The following ADAMTSL1 variants were observed in gnomAD, a reference collection of about 807,000 sequenced individuals.
ADAMTSL1 encodes ADAMTS like 1.
ADAMTSL1 carries 126 observed loss-of-function variants against 201.8 expected under a neutral mutation model. That is an observed-to-expected ratio of 0.62 (90% CI 0.54 to 0.72). The LOEUF (loss-of-function observed/expected upper bound fraction) is 0.72, where lower values mean the gene tolerates loss of function less well. Ranked by LOEUF, ADAMTSL1 falls within the 30% of genes least tolerant of loss-of-function variation. The probability of loss-of-function intolerance (pLI) is 0.00; values close to 1 mark genes in which losing one functional copy is unlikely to be tolerated. For synonymous variants in ADAMTSL1, 1,121 were observed against 903.4 expected (o/e 1.24, Z -4.32); for missense variants, 2,679 against 2,277.8 (o/e 1.18, Z -3.59).
chr9:17,940,631 G>T (rs1008964310), intron 1 of ADAMTSL1, among the ~76,000 whole-genome samples: 2 of 148,014 alleles, frequency 1.4e-5, no homozygotes, highest in Non-Finnish European at 1.5e-5. Context: ...AAAAGAGGGG[G>T]TTTGCATTAT....
chr9:18,449,108 T>A (rs961010792), intron 2 of ADAMTSL1, among the ~76,000 whole-genome samples: 2 of 151,328 alleles, frequency 1.3e-5, no homozygotes, highest in Non-Finnish European at 3.0e-5. Context: ...TTCATGTGAG[T>A]GAGAAGAGCA....
chr9:18,305,431 G>T (rs1008909063), intron 2 of ADAMTSL1, among the ~76,000 whole-genome samples: 1 of 152,222 alleles, frequency 6.6e-6, no homozygotes, highest in Non-Finnish European at 1.5e-5. Flanking sequence ...GACCCCCACA[G>T]AGCCCAGCAA....
chr9:18,706,763 T>C lies in ADAMTSL1; in HGVS notation c.1591T>C (p.Trp531Arg). The C allele has an allele frequency of 1.9e-6, 3 of 1,604,352 alleles. No homozygotes were observed. The highest frequency in any genetic ancestry group is 2.6e-6 in the Non-Finnish European group (3 of 1,175,198). ...SEEPSFIPEA[W>R]SACTVTCGVG... Reference sequence around the variant, plus strand: ...CGACTGCAGGTTCATCCCAGAGGCCTGGTCGGCCTGCACAGTCACCTGTGG... The same window carrying C: ...CGACTGCAGGTTCATCCCAGAGGCCCGGTCGGCCTGCACAGTCACCTGTGG... Residue 531 changes from tryptophan (W) to arginine (R), a missense_variant, in exon 14 of 29, where the codon TGG (tryptophan) becomes CGG (arginine). Physicochemically the swap from Trp to Arg is moderately radical, Grantham distance 101 (BLOSUM62 -3). Transcript: ENST00000380548.
intron 17 of ADAMTSL1, among the ~76,000 whole-genome samples, chr9:18,771,288 A>G (rs769002726): frequency 3.3e-5 from 5 of 152,228 alleles, no homozygotes; most frequent in Non-Finnish European, 5.9e-5. Context: ...TGGCTCTAAA[A>G]TACTTCAACT....
intron 1 of ADAMTSL1, among the ~76,000 whole-genome samples, chr9:17,944,570 C>T (rs2131356214): frequency 1.3e-5 from 2 of 149,332 alleles, no homozygotes; most frequent in East Asian, 4.0e-4. Flanking sequence ...AACTATACTA[C>T]AAGGCTACAG....
Position 18,588,884 on chromosome 9 carries a change from C to CATATATATATATATATATAT in ADAMTSL1, c.474+14637_474+14638insTATATATATATATATATATA, listed in dbSNP as rs754566534. The stretch of plus-strand genomic sequence containing the variant: ...GCTTTGTGCCATATATATACATATA[C>CATATATATATATATATATAT]ATATATATATATATATATACATATA... On this transcript the variant is annotated intron_variant, in intron 4 of 28. Transcript: ENST00000380548. Among the ~76,000 whole-genome samples, 134 of 122,828 alleles carry CATATATATATATATATATAT rather than the reference C, an allele frequency of 1.1e-3. 3 individuals carry two copies. The highest frequency in any genetic ancestry group is 1.3e-3 in the Non-Finnish European group (72 of 56,708). The allele number at this position is 122,828 out of a possible 152,430, so 80.6% of individuals were successfully genotyped here.
At chr9:18,696,869 T>TATTATTATTATTATC (rs1831584423) in intron 13 of ADAMTSL1, among the ~76,000 whole-genome samples, 2 of 70,646 alleles carry the variant, frequency 2.8e-5, no homozygotes. Context: ...TCAAAAATAT[T>TATTATTATTATTATC]ATTATTATTA....
rs34551511 is a variant in ADAMTSL1 at position 18,824,690 on chromosome 9, C to CTTTTT, written c.3935-1573_3935-1569dup. 1.9e-3 allele frequency among the ~76,000 whole-genome samples: 143 copies of CTTTTT among 75,738 alleles called. 1 individual carries two copies. The highest frequency in any genetic ancestry group is 5.8e-3 in the East Asian group (11 of 1,894). The allele number at this position is 75,738 out of a possible 152,430, so 49.7% of individuals were successfully genotyped here. Reference sequence around the variant, plus strand: ...TGACCCCATTTCCCGGGACTTGACCCTTTTTTTTTTTTTTTTTTTTTTTTT... The same window carrying CTTTTT: ...TGACCCCATTTCCCGGGACTTGACCCTTTTTTTTTTTTTTTTTTTTTTTTTTTTTT... On this transcript the variant is annotated intron_variant, in intron 21 of 28. Transcript: ENST00000380548.
chr9:18,544,225 T>A (rs1820338013), intron 3 of ADAMTSL1, among the ~76,000 whole-genome samples: 1 of 152,214 alleles, frequency 6.6e-6, no homozygotes, highest in Non-Finnish European at 1.5e-5. Flanking sequence ...TTCTTCCACA[T>A]TGCCTTGGTA....
At chr9:17,996,504 T>C (rs1331997966) in intron 1 of ADAMTSL1, among the ~76,000 whole-genome samples, 3 of 152,128 alleles carry the variant, frequency 2.0e-5, no homozygotes, top group Non-Finnish European at 4.4e-5. Context: ...CAGGGATCAT[T>C]GGGCAAGGCA....
rs760111368 is a variant in ADAMTSL1 at position 18,564,597 on chromosome 9, C to T, written c.238-9433C>T. On this transcript the variant is annotated intron_variant, in intron 3 of 28. Coordinates refer to ENST00000380548, the MANE Select transcript of ADAMTSL1 (RefSeq NM_001040272.6). ...GTCCTTTTCACAACCTGACTTTCCA[C>T]CACAAATATTTTGGTAAATGCAGTC... 2.6e-5 allele frequency among the ~76,000 whole-genome samples: 4 copies of T among 152,176 alleles called. No homozygotes were observed. In the East Asian group the frequency reaches 5.8e-4, roughly 22 times the overall value.
At chr9:18,170,090 G>A (rs1827823295) in intron 2 of ADAMTSL1, among the ~76,000 whole-genome samples, 1 of 151,840 alleles carries the variant, frequency 6.6e-6, no homozygotes, top group South Asian at 2.1e-4. Context: ...TTACCCTGTG[G>A]GGTTTTTAAG....
chr9:18,788,899 G>A (rs1004398284), intron 19 of ADAMTSL1, among the ~76,000 whole-genome samples: 1 of 150,986 alleles, frequency 6.6e-6, no homozygotes, highest in African/African-American at 2.4e-5. Context: ...TAAAATTTCA[G>A]TATTTGGTTA....
chr9:18,299,353 C>G (rs985814494), intron 2 of ADAMTSL1, among the ~76,000 whole-genome samples: 5 of 152,298 alleles, frequency 3.3e-5, no homozygotes, highest in African/African-American at 1.2e-4. Flanking sequence ...TACTTTATCA[C>G]AAAGTATTTC....
intron 5 of ADAMTSL1, among the ~76,000 whole-genome samples, chr9:18,635,139 A>C (rs1366584038): frequency 6.6e-6 from 1 of 151,760 alleles, no homozygotes; most frequent in African/African-American, 2.4e-5. Flanking sequence ...AGTATAATTT[A>C]GGTGAAATTT....
chr9:18,629,404 A>G (rs973862301), intron 5 of ADAMTSL1, among the ~76,000 whole-genome samples: 2 of 152,294 alleles, frequency 1.3e-5, no homozygotes, highest in African/African-American at 4.8e-5. Flanking sequence ...CCTTTATCAG[A>G]TTGAGGAAGT....
chr9:18,219,723 C>T (rs1394633723), intron 2 of ADAMTSL1, among the ~76,000 whole-genome samples: 4 of 152,224 alleles, frequency 2.6e-5, no homozygotes, highest in East Asian at 1.9e-4. Flanking sequence ...CCCATAAATA[C>T]TTAATACATT....
At chr9:18,373,943 T>C (rs1410655464) in intron 2 of ADAMTSL1, among the ~76,000 whole-genome samples, 2 of 152,176 alleles carry the variant, frequency 1.3e-5, no homozygotes, top group African/African-American at 4.8e-5. Flanking sequence ...GGGATGATAG[T>C]AGCCAGCATG....
intron 2 of ADAMTSL1, among the ~76,000 whole-genome samples, chr9:18,260,799 C>T (rs2132532843): frequency 6.6e-6 from 1 of 152,276 alleles, no homozygotes; most frequent in Middle Eastern, 3.4e-3. Flanking sequence ...GGAGGTGAAG[C>T]CAAATCCCAT....
Sources: gnomAD v4.1 joint callset for allele counts (sites outside exome capture counted in the v4.1 genomes callset) on GRCh38, gnomAD v4.1.1 for gene constraint, MANE v1.5 for transcripts, NCBI Gene and HGNC (gene_info 2026-07-23, HGNC 2026-07-21) for gene names.